SND1: variants seen among roughly 807,000 people sequenced by gnomAD.
The protein encoded by SND1 is staphylococcal nuclease and tudor domain containing 1, also known as staphylococcal nuclease domain-containing protein 1.
SND1 carries 38 observed loss-of-function variants against 121.7 expected under a neutral mutation model. The ratio of observed to expected loss-of-function variants is 0.31; its 90% CI spans 0.24 to 0.41. The LOEUF is 0.41. Ranked by LOEUF, SND1 falls within the 10% of genes least tolerant of loss-of-function variation. The pLI is 1.00. For missense variants in SND1, 868 were observed against 1,184.6 expected, an observed-to-expected ratio of 0.73 and a Z score of 3.92; for synonymous variants, 401 against 447.4, an observed-to-expected ratio of 0.90 and a Z score of 1.31.
At chr7:127,673,346 C>G (rs806165) in intron 1 of SND1, among the ~76,000 whole-genome samples, 8,618 of 152,066 alleles carry the variant, frequency 0.057, 696 homozygotes, top group African/African-American at 0.18. Flanking sequence ...GAGTCTCGCT[C>G]TGTCGCCCAG....
chr7:127,826,915 T>A (rs1798653417), intron 11 of SND1, among the ~76,000 whole-genome samples: 2 of 152,232 alleles, frequency 1.3e-5, no homozygotes, highest in East Asian at 3.8e-4. Context: ...CCTGTGTCAT[T>A]CATTTCTTTT....
At chr7:128,058,276 A>G (rs572369571) in intron 16 of SND1, among the ~76,000 whole-genome samples, 1 of 152,396 alleles carries the variant, frequency 6.6e-6, no homozygotes, top group South Asian at 2.1e-4. Context: ...GCACAATGAG[A>G]TGAGCCAACA....
chr7:127,827,655 A>G (rs1255000578), intron 11 of SND1, among the ~76,000 whole-genome samples: 1 of 152,212 alleles, frequency 6.6e-6, no homozygotes, highest in Non-Finnish European at 1.5e-5. Context: ...CACGATGCAT[A>G]TTCACAGGAA....
intron 19 of SND1, 36 bp downstream of exon 19, chr7:128,084,883 C>G (rs536455893): frequency 6.4e-7 from 1 of 1,570,572 alleles, no homozygotes; most frequent in Non-Finnish European, 8.7e-7. Context: ...GAGTCTTGAG[C>G]AGGAACGATA....
At chr7:127,849,335 C>T (rs1799124414) in intron 12 of SND1, among the ~76,000 whole-genome samples, 1 of 152,194 alleles carries the variant, frequency 6.6e-6, no homozygotes, top group East Asian at 1.9e-4. Flanking sequence ...TGCTGGACTT[C>T]CCAATTACTT....
chr7:127,712,016 G>A lies in SND1; in HGVS notation c.1038+4369G>A, dbSNP rs1465735386. On this transcript the variant is annotated intron_variant, in intron 9 of 23. Coordinates refer to ENST00000354725, the MANE Select transcript of SND1 (RefSeq NM_014390.4). ...TCAAGCCTCTCCTCTCCCCTTCTTGGGTTATTTTGGTCCCTTATTTTTCAT... is the reference window on the plus strand; with the variant it reads ...TCAAGCCTCTCCTCTCCCCTTCTTGAGTTATTTTGGTCCCTTATTTTTCAT... 2.0e-5 allele frequency among the ~76,000 whole-genome samples: 3 copies of A among 150,888 alleles called. No individual in the cohort carries two copies. The East Asian group carries it at 5.8e-4, about 29-fold the overall frequency.
intron 1 of SND1, among the ~76,000 whole-genome samples, chr7:127,665,534 A>C (rs992470679): frequency 3.8e-4 from 58 of 152,306 alleles, no homozygotes; most frequent in African/African-American, 1.4e-3. Context: ...TCTAAAGGCA[A>C]CTTAAATTTC....
intron 16 of SND1, chr7:127,997,954 C>T (rs2116927392): frequency 1.9e-6 from 1 of 534,814 alleles, no homozygotes; most frequent in African/African-American, 1.9e-5. Context: ...TCCCACAGCA[C>T]CCTGTGCATG....
At chr7:127,909,450 A>T (rs1480281941) in intron 14 of SND1, among the ~76,000 whole-genome samples, 4 of 140,408 alleles carry the variant, frequency 2.8e-5, no homozygotes, top group African/African-American at 1.0e-4. Flanking sequence ...AGTATTTCTG[A>T]TTTTTTTTTT....
Position 127,970,234 on chromosome 7 carries a change from A to C in SND1, c.1670-20713A>C, listed in dbSNP as rs564300231. Among the ~76,000 whole-genome samples, 4 of 152,328 alleles carry C rather than the reference A, an allele frequency of 2.6e-5. No individual in the cohort carries two copies. In the South Asian group the frequency reaches 8.3e-4, roughly 32 times the overall value. ...TTCCTTTGGATAAATCAGGTAACCT[A>C]AGTAATATAAAGTTCATTCAACCTG... On this transcript the variant is annotated intron_variant, in intron 15 of 23. Transcript: ENST00000354725.
chr7:127,995,070 A>G (rs990230457), intron 16 of SND1, among the ~76,000 whole-genome samples: 32 of 152,190 alleles, frequency 2.1e-4, no homozygotes, highest in Admixed American at 1.5e-3. Flanking sequence ...CTTTCATACT[A>G]TAACAGCCGA....
In SND1 at chr7:127,761,875, A is replaced by G. The variant is rs1325076572; in HGVS notation, c.1152+40475A>G. On this transcript the variant is annotated intron_variant, in intron 10 of 23. Transcript: ENST00000354725. ...TTTCCAGAGGCTTCTACATTGGTAC[A>G]TTTTTGTTCAAAAAACTACTGGCTG... Among the ~76,000 whole-genome samples the G allele has an allele frequency of 2.6e-5, 4 of 152,298 alleles. No individual in the cohort carries two copies. In the South Asian group the frequency reaches 6.2e-4, roughly 24 times the overall value.
chr7:127,940,361 T>G (rs965683258), intron 15 of SND1, among the ~76,000 whole-genome samples: 1 of 152,194 alleles, frequency 6.6e-6, no homozygotes, highest in Non-Finnish European at 1.5e-5. Flanking sequence ...CACTTAGTAG[T>G]AATGTTGACA....
intron 15 of SND1, among the ~76,000 whole-genome samples, chr7:127,972,600 T>C (rs1256529524): frequency 6.6e-6 from 1 of 151,552 alleles, no homozygotes; most frequent in East Asian, 1.9e-4. Context: ...TTAGTTTACC[T>C]TTTTTTCTTG....
intron 2 of SND1, among the ~76,000 whole-genome samples, chr7:127,693,201 G>A (rs1795951486): frequency 6.6e-6 from 1 of 152,128 alleles, no homozygotes; most frequent in South Asian, 2.1e-4. Context: ...CTGTGATGTG[G>A]TTGATAATTG....
chr7:127,748,770 G>A (rs1164097276), intron 10 of SND1, among the ~76,000 whole-genome samples: 5 of 152,186 alleles, frequency 3.3e-5, no homozygotes, highest in African/African-American at 1.2e-4. Flanking sequence ...GGGTGGTTTA[G>A]TAGAAGAAAT....
chr7:127,963,409 C>T (rs1439756779), intron 15 of SND1, among the ~76,000 whole-genome samples: 16 of 141,778 alleles, frequency 1.1e-4, no homozygotes, highest in East Asian at 2.1e-4. Context: ...CCCCCCTCCC[C>T]GCCGCCACCA....
At chr7:127,793,104 T>G (rs1316539936) in intron 10 of SND1, among the ~76,000 whole-genome samples, 2 of 152,226 alleles carry the variant, frequency 1.3e-5, no homozygotes, top group African/African-American at 2.4e-5. Flanking sequence ...TTGATGAGTT[T>G]CCCAGGGTGG....
rs537979875 is a variant in SND1 at position 128,034,475 on chromosome 7, G to A, written c.1780-40027G>A. Among the ~76,000 whole-genome samples the A allele has an allele frequency of 3.9e-5, 6 of 152,258 alleles. No individual in the cohort carries two copies. In the South Asian group the frequency reaches 1.2e-3, roughly 32 times the overall value. On this transcript the variant is annotated intron_variant, in intron 16 of 23. Coordinates refer to ENST00000354725, the MANE Select transcript of SND1 (RefSeq NM_014390.4). ...GGTCTGGATGGCAGCGATTAAGTAT[G>A]ACTATCCTTCCCTCCTCAGGCAACA...
Sources: allele counts gnomAD v4.1 joint callset (sites outside exome capture counted in the v4.1 genomes callset), GRCh38; gene constraint gnomAD v4.1.1; transcripts MANE v1.5; gene names NCBI Gene and HGNC (gene_info 2026-07-23, HGNC 2026-07-21).